Variants in NOL10 observed in about 807,000 individuals in gnomAD.
NOL10 encodes nucleolar protein 10.
NOL10 carries 58 observed loss-of-function variants against 103.5 expected under a neutral mutation model. That is an observed-to-expected ratio of 0.56 (90% CI 0.45 to 0.70). NOL10 has a LOEUF of 0.70. Ranked by LOEUF, NOL10 falls within the 30% of genes least tolerant of loss-of-function variation. NOL10 has a pLI of 0.00. For missense variants in NOL10, 763 were observed against 807.3 expected (o/e 0.95, Z 0.67); for synonymous variants, 287 against 282.5 (o/e 1.02, Z -0.16).
chr2:10,571,815 C>A lies in NOL10; in HGVS notation c.*256G>T, dbSNP rs10172924. 339,964 of 340,364 alleles carry A rather than the reference C, an allele frequency of 1. 169,782 individuals are homozygous for A. The highest frequency in any genetic ancestry group is 1 in the Non-Finnish European group (189,167 of 189,256). 21.1% of individuals were successfully genotyped at this position (340,364 alleles called of 1,614,324 possible). Reference sequence around the variant, plus strand: ...ACCCCAGCCTGGTTTTCATGATTAACGCCGTGGGGAAAGGACAATGTTTCC... The same window carrying A: ...ACCCCAGCCTGGTTTTCATGATTAAAGCCGTGGGGAAAGGACAATGTTTCC... On this transcript the variant is annotated 3_prime_UTR_variant, in exon 21 of 21. Coordinates refer to ENST00000381685, the MANE Select transcript of NOL10 (RefSeq NM_024894.4).
At chr2:10,679,606 CTCTT>C (rs1401575318) in intron 3 of NOL10, among the ~76,000 whole-genome samples, 29 of 138,114 alleles carry the variant, frequency 2.1e-4, no homozygotes, top group African/African-American at 6.4e-4. Context: ...TCTCCTTCCT[CTCTT>C]TCTCTCTCTT....
chr2:10,640,026 G>A (rs907448470), intron 13 of NOL10, among the ~76,000 whole-genome samples: 1 of 133,926 alleles, frequency 7.5e-6, no homozygotes, highest in Non-Finnish European at 1.8e-5. Flanking sequence ...TATCAGATAG[G>A]CAAAAATTAA....
At chr2:10,636,778 A>G (rs1009303805) in intron 13 of NOL10, among the ~76,000 whole-genome samples, 2 of 152,228 alleles carry the variant, frequency 1.3e-5, no homozygotes, top group African/African-American at 4.8e-5. Flanking sequence ...ATGATTAAAA[A>G]GTATCCATAA....
At chr2:10,576,632 A>C (rs1365218692) in intron 20 of NOL10, among the ~76,000 whole-genome samples, 1 of 152,254 alleles carries the variant, frequency 6.6e-6, no homozygotes, top group Non-Finnish European at 1.5e-5. Flanking sequence ...ACATTGAATG[A>C]TTCCATTTGT....
chr2:10,608,517 G>C (rs1676378527), intron 13 of NOL10, among the ~76,000 whole-genome samples: 1 of 92,240 alleles, frequency 1.1e-5, no homozygotes, highest in Non-Finnish European at 2.1e-5. Context: ...CCTTAAGCTA[G>C]AGGTAATGAG....
intron 8 of NOL10, among the ~76,000 whole-genome samples, chr2:10,666,535 G>A (rs2148333200): frequency 6.6e-6 from 1 of 152,210 alleles, no homozygotes; most frequent in African/African-American, 2.4e-5. Flanking sequence ...CGCCATATTG[G>A]CCAGGCTGGT....
chr2:10,607,420 TA>T, intron 13 of NOL10, 109 bp from the exon 14 acceptor site: 1 of 1,209,970 alleles, frequency 8.3e-7, no homozygotes, highest in Non-Finnish European at 1.1e-6. Flanking sequence ...TCCTTTTTTC[TA>T]TCAGAAGTAT....
chr2:10,610,370 G>A (rs747104774), intron 13 of NOL10, among the ~76,000 whole-genome samples: 1 of 152,216 alleles, frequency 6.6e-6, no homozygotes, highest in Non-Finnish European at 1.5e-5. Context: ...TTTAATGGAA[G>A]TGGTTTAAAT....
chr2:10,678,852 T>C (rs1294377275), intron 3 of NOL10, among the ~76,000 whole-genome samples: 3 of 152,202 alleles, frequency 2.0e-5, no homozygotes, highest in Non-Finnish European at 4.4e-5. Context: ...ACCAGGACTC[T>C]GGACTCTACA....
chr2:10,576,538 C>T (rs1674460038), intron 20 of NOL10, among the ~76,000 whole-genome samples: 1 of 152,142 alleles, frequency 6.6e-6, no homozygotes, highest in Non-Finnish European at 1.5e-5. Context: ...AAAAGAAATG[C>T]AATTCCAATG....
intron 12 of NOL10, among the ~76,000 whole-genome samples, chr2:10,645,783 C>G (rs1443930669): frequency 6.6e-6 from 1 of 152,034 alleles, no homozygotes; most frequent in Non-Finnish European, 1.5e-5. Flanking sequence ...CCCGCCTCGG[C>G]CTCCCAACAT....
chr2:10,657,134 C>CA (rs1341924220), intron 11 of NOL10, among the ~76,000 whole-genome samples: 1 of 152,090 alleles, frequency 6.6e-6, no homozygotes, highest in African/African-American at 2.4e-5. Context: ...GACTGGCCAA[C>CA]ATGATGAAAC....
chr2:10,612,411 T>C (rs749611763), intron 13 of NOL10, among the ~76,000 whole-genome samples: 31 of 152,346 alleles, frequency 2.0e-4, no homozygotes, highest in African/African-American at 6.7e-4. Flanking sequence ...TGACAAAGCC[T>C]TTCATTATCT....
intron 20 of NOL10, among the ~76,000 whole-genome samples, chr2:10,573,146 G>A (rs988218029): frequency 6.6e-6 from 1 of 151,640 alleles, no homozygotes; most frequent in Non-Finnish European, 1.5e-5. Context: ...TTGATAAAGC[G>A]GAAAAGCACC....
chr2:10,606,181 C>G (rs954704635), intron 14 of NOL10, among the ~76,000 whole-genome samples: 12 of 151,600 alleles, frequency 7.9e-5, no homozygotes, highest in Non-Finnish European at 1.6e-4. Context: ...TAAAGCTCAA[C>G]TCTCAAGTTT....
At chr2:10,655,550 A>T (rs1248930545) in intron 11 of NOL10, among the ~76,000 whole-genome samples, 2 of 152,218 alleles carry the variant, frequency 1.3e-5, no homozygotes, top group Admixed American at 1.3e-4. Context: ...AGAGAAGGAA[A>T]GTAAAAGAAA....
At chr2:10,661,473 G>A (rs546301398) in intron 9 of NOL10, among the ~76,000 whole-genome samples, 6 of 151,858 alleles carry the variant, frequency 4.0e-5, no homozygotes, top group Non-Finnish European at 7.4e-5. Flanking sequence ...CCGGGTTCAG[G>A]CGATTCTCCT....
intron 8 of NOL10, 61 bp from the exon 9 acceptor site, chr2:10,663,105 G>C: frequency 7.2e-7 from 1 of 1,396,034 alleles, no homozygotes; most frequent in South Asian, 1.2e-5. Context: ...GGTGGCTCAT[G>C]CCTGTAATCC....
intron 13 of NOL10, among the ~76,000 whole-genome samples, chr2:10,613,712 A>G (rs1447018466): frequency 6.6e-6 from 1 of 152,194 alleles, no homozygotes; most frequent in East Asian, 1.9e-4. Context: ...GACACTATTA[A>G]ATCAAACAGG....
Sources: gnomAD v4.1 joint callset for allele counts (sites outside exome capture counted in the v4.1 genomes callset) on GRCh38, gnomAD v4.1.1 for gene constraint, MANE v1.5 for transcripts, NCBI Gene and HGNC (gene_info 2026-07-23, HGNC 2026-07-21) for gene names.